UNC13C: variants seen among roughly 807,000 people sequenced by gnomAD.
The protein encoded by UNC13C is unc-13 homolog C, also known as protein unc-13 homolog C.
In UNC13C, 174 loss-of-function variants were observed where a neutral mutation model predicts 245.4. The ratio of observed to expected loss-of-function variants is 0.71; its 90% confidence interval spans 0.63 to 0.80. The LOEUF (loss-of-function observed/expected upper bound fraction) is 0.80. UNC13C is among the 30% of genes least tolerant of loss of function. The pLI is 0.00. For missense variants in UNC13C, 2,829 were observed against 2,602.9 expected, an observed-to-expected ratio of 1.09 and a Z score of -1.89; for synonymous variants, 992 against 895.1, an observed-to-expected ratio of 1.11 and a Z score of -1.93.
intron 4 of UNC13C, among the ~76,000 whole-genome samples, chr15:54,151,100 C>T (rs2032493357): frequency 6.6e-6 from 1 of 151,940 alleles, no homozygotes; most frequent in Non-Finnish European, 1.5e-5. Flanking sequence ...GACCATAAAC[C>T]CAGGAAAAAA....
intron 29 of UNC13C, among the ~76,000 whole-genome samples, chr15:54,557,503 A>G (rs944986311): frequency 6.6e-6 from 1 of 151,898 alleles, no homozygotes; most frequent in Non-Finnish European, 1.5e-5. Flanking sequence ...ATTGACTACA[A>G]AGGAATTCAA....
chr15:54,410,171 C>A (rs1596337565), intron 18 of UNC13C, among the ~76,000 whole-genome samples: 1 of 152,110 alleles, frequency 6.6e-6, no homozygotes, highest in South Asian at 2.1e-4. Flanking sequence ...ATGTGTATGT[C>A]ATCTTTTGAG....
intron 18 of UNC13C, among the ~76,000 whole-genome samples, chr15:54,404,749 T>A (rs1199724879): frequency 6.6e-6 from 1 of 152,192 alleles, no homozygotes; most frequent in Non-Finnish European, 1.5e-5. Flanking sequence ...AAAATGGTTG[T>A]GGAAAGGTAA....
At chr15:53,869,989 T>A in the UNC13C span, among the ~76,000 whole-genome samples, 2,847 of 152,298 alleles carry the variant, frequency 0.019, 96 homozygotes, top group African/African-American at 0.064. Flanking sequence ...CATAACACTG[T>A]CCTAAGACTT....
chr15:54,070,233 G>T (rs1010252435), intron 2 of UNC13C, among the ~76,000 whole-genome samples: 1 of 152,174 alleles, frequency 6.6e-6, no homozygotes, highest in African/African-American at 2.4e-5. Context: ...TTAAGCCCTT[G>T]CTGTGTTTGA....
intron 2 of UNC13C, among the ~76,000 whole-genome samples, chr15:54,112,467 T>C (rs1223454054): frequency 6.6e-6 from 1 of 152,156 alleles, no homozygotes; most frequent in Non-Finnish European, 1.5e-5. Flanking sequence ...CCCACCTTAA[T>C]CTATTATGCA....
intron 14 of UNC13C, among the ~76,000 whole-genome samples, chr15:54,330,092 A>C (rs1412991118): frequency 2.0e-5 from 3 of 151,970 alleles, no homozygotes; most frequent in Non-Finnish European, 2.9e-5. Flanking sequence ...AATGGGCATG[A>C]AATAAGCACT....
At chr15:53,908,770 A>AAAAAT in the UNC13C span, among the ~76,000 whole-genome samples, 1 of 142,262 alleles carries the variant, frequency 7.0e-6, no homozygotes, top group Non-Finnish European at 1.6e-5. Context: ...AAAAAAAAAA[A>AAAAAT]GTGTATCTAA....
chr15:53,926,778 G>C, the UNC13C span, among the ~76,000 whole-genome samples: 1 of 152,182 alleles, frequency 6.6e-6, no homozygotes, highest in East Asian at 1.9e-4. Flanking sequence ...ATTGGTGGGA[G>C]TTCACTTCAT....
intron 11 of UNC13C, among the ~76,000 whole-genome samples, chr15:54,295,819 A>G (rs1426289210): frequency 6.6e-6 from 1 of 152,130 alleles, no homozygotes; most frequent in Admixed American, 6.5e-5. Context: ...ATGAAACGCA[A>G]TATTGTAAGT....
intron 1 of UNC13C, among the ~76,000 whole-genome samples, chr15:53,991,685 A>T (rs915241032): frequency 1.3e-5 from 2 of 152,072 alleles, no homozygotes; most frequent in African/African-American, 4.8e-5. Flanking sequence ...AGCCATCTCC[A>T]TAGCTCTAAG....
At chr15:54,031,371 C>A (rs1595740204) in intron 2 of UNC13C, among the ~76,000 whole-genome samples, 1 of 152,162 alleles carries the variant, frequency 6.6e-6, no homozygotes, top group South Asian at 2.1e-4. Flanking sequence ...CTACAGGCAG[C>A]CGCCACCGCG....
At chr15:54,455,382 C>T (rs2414310) in intron 19 of UNC13C, among the ~76,000 whole-genome samples, 24 of 150,070 alleles carry the variant, frequency 1.6e-4, no homozygotes, top group Non-Finnish European at 1.5e-4. Flanking sequence ...ACCCAGTAGA[C>T]GGATTGCTGG....
Position 53,978,811 on chromosome 15 carries a change from G to C in UNC13C, c.-373G>C, listed in dbSNP as rs1893805593. On this transcript the variant is annotated 5_prime_UTR_variant, in exon 1 of 33. Coordinates refer to ENST00000260323, the MANE Select transcript of UNC13C (RefSeq NM_001080534.3). ...CTATTTGTGATTGAAAAAAGGAAAC[G>C]AGACTAGAAACACAATTGCAAGTGG... 6.6e-6 allele frequency among the ~76,000 whole-genome samples: 1 copy of C among 152,072 alleles called. No individual in the cohort carries two copies. The highest frequency in any genetic ancestry group is 2.4e-5 in the African/African-American group (1 of 41,400).
At chr15:54,352,680 G>A (rs1488382919) in intron 17 of UNC13C, among the ~76,000 whole-genome samples, 5 of 152,046 alleles carry the variant, frequency 3.3e-5, no homozygotes, top group East Asian at 3.9e-4. Flanking sequence ...CTGATAGATG[G>A]CTAGCAAAGA....
intron 3 of UNC13C, 127 bp from the exon 4 acceptor site, chr15:54,143,493 G>A: frequency 3.0e-6 from 2 of 663,804 alleles, no homozygotes; most frequent in Non-Finnish European, 5.2e-6. Flanking sequence ...AGCTGACCCT[G>A]CTTAGCATCT....
intron 28 of UNC13C, among the ~76,000 whole-genome samples, chr15:54,551,950 G>T (rs1446041644): frequency 6.6e-6 from 1 of 151,250 alleles, no homozygotes; most frequent in African/African-American, 2.4e-5. Context: ...TAAACTATGG[G>T]TCTTTAAATT....
Position 54,311,096 on chromosome 15 carries a change from T to G in UNC13C, c.4268+10723T>G, listed in dbSNP as rs1030464494. On this transcript the variant is annotated intron_variant, in intron 13 of 32. Coordinates refer to ENST00000260323, the MANE Select transcript of UNC13C (RefSeq NM_001080534.3). Reference sequence around the variant, plus strand: ...AGCACAGTTTCTAGAAAAGGATAGGTATTTTTACCAAACTGGGGAAAAAAT... The same window carrying G: ...AGCACAGTTTCTAGAAAAGGATAGGGATTTTTACCAAACTGGGGAAAAAAT... Among the ~76,000 whole-genome samples, 27 of 151,788 alleles carry G rather than the reference T, an allele frequency of 1.8e-4. 1 individual carries two copies. Among genetic ancestry groups the G allele is most frequent in the Admixed American group, 1.2e-3 (18 of 15,190 alleles).
chr15:54,080,005 G>A (rs2899530), intron 2 of UNC13C, among the ~76,000 whole-genome samples: 1 of 36,864 alleles, frequency 2.7e-5, no homozygotes, highest in East Asian at 1.6e-3. Context: ...TTTGTCGAGC[G>A]GTTTTTTTTT....
Sources: allele counts gnomAD v4.1 joint callset (sites outside exome capture counted in the v4.1 genomes callset), GRCh38; gene constraint gnomAD v4.1.1; transcripts MANE v1.5; gene names NCBI Gene and HGNC (gene_info 2026-07-23, HGNC 2026-07-21).